PRH1: variants seen among roughly 807,000 people sequenced by gnomAD.
PRH1 encodes salivary acidic proline-rich phosphoprotein 1/2.
In PRH1, 7 loss-of-function variants were observed where a neutral mutation model predicts 7.9. The ratio of observed to expected loss-of-function variants is 0.89; its 90% CI spans 0.50 to 1.67. PRH1 has a LOEUF of 1.67. PRH1 is among the 40% of genes most tolerant of loss of function. The pLI is 0.00. For missense variants in PRH1, 109 were observed against 223.6 expected, an observed-to-expected ratio of 0.49 and a Z score of 3.27; for synonymous variants, 45 against 80.8, an observed-to-expected ratio of 0.56 and a Z score of 2.38.
intron 2 of PRH1, among the ~76,000 whole-genome samples, chr12:10,955,462 ACACT>A (rs1565497453): frequency 6.6e-6 from 1 of 152,152 alleles, no homozygotes; most frequent in African/African-American, 2.4e-5. Context: ...GTAGCAATAA[ACACT>A]CACATCAAAA....
At chr12:11,102,934 C>T (rs993993419) in intron 1 of PRH1, among the ~76,000 whole-genome samples, 30 of 152,050 alleles carry the variant, frequency 2.0e-4, no homozygotes, top group African/African-American at 4.8e-4. Context: ...AAAAGACACA[C>T]GAAAAAATGC....
chr12:10,925,728 TCTC>T (rs1469132490), intron 2 of PRH1, among the ~76,000 whole-genome samples: 1 of 152,216 alleles, frequency 6.6e-6, no homozygotes, highest in Non-Finnish European at 1.5e-5. Flanking sequence ...ACCTTGATAA[TCTC>T]CTAATAACAG....
intron 1 of PRH1, among the ~76,000 whole-genome samples, chr12:11,041,040 A>G (rs1942685406): frequency 2.0e-5 from 3 of 152,096 alleles, no homozygotes; most frequent in Non-Finnish European, 4.4e-5. Flanking sequence ...AAGGAAAGAA[A>G]GAATAGCAGA....
chr12:11,016,625 G>A (rs1462889756), intron 1 of PRH1, among the ~76,000 whole-genome samples: 1 of 152,236 alleles, frequency 6.6e-6, no homozygotes, highest in Non-Finnish European at 1.5e-5. Flanking sequence ...GCGGGCATGA[G>A]CCATCATACC....
At chr12:11,037,137 A>AT (rs569175995) in intron 1 of PRH1, among the ~76,000 whole-genome samples, 70 of 152,056 alleles carry the variant, frequency 4.6e-4, no homozygotes, top group Middle Eastern at 3.4e-3. Flanking sequence ...CTATTTTGGG[A>AT]TTTTTTTTGG....
intron 2 of PRH1, among the ~76,000 whole-genome samples, chr12:10,896,557 T>C (rs1455509609): frequency 6.6e-6 from 1 of 151,802 alleles, no homozygotes; most frequent in Non-Finnish European, 1.5e-5. Context: ...AGGTCAGGAG[T>C]TCGAGACCAG....
At chr12:11,150,302 C>T (rs955859128) in intron 1 of PRH1, among the ~76,000 whole-genome samples, 3 of 152,032 alleles carry the variant, frequency 2.0e-5, no homozygotes, top group East Asian at 3.9e-4. Context: ...CCATTTGACC[C>T]AGCCATCCCA....
intron 1 of PRH1, among the ~76,000 whole-genome samples, chr12:11,007,732 T>C (rs1940892765): frequency 6.6e-6 from 1 of 151,998 alleles, no homozygotes; most frequent in African/African-American, 2.4e-5. Flanking sequence ...TCTTCTCCAT[T>C]TACCACAAGC....
In PRH1 at chr12:10,883,114, G is replaced by A; in HGVS notation, c.65-18C>T. The A allele has an allele frequency of 1.2e-6, 2 of 1,612,532 alleles. No individual in the cohort carries two copies. Among genetic ancestry groups the A allele is most frequent in the African/African-American group, 2.7e-5 (2 of 75,004 alleles). On this transcript the variant is annotated intron_variant, in intron 1 of 3. Transcript: ENST00000543626. The stretch of plus-strand genomic sequence containing the variant: ...GCTGACATCTAGAAAAGAAGTACAG[G>A]ATGATGGGAAAAGTTACTTCCTGAA...
At chr12:11,026,719 C>T (rs1941935528) in intron 1 of PRH1, among the ~76,000 whole-genome samples, 1 of 152,184 alleles carries the variant, frequency 6.6e-6, no homozygotes, top group African/African-American at 2.4e-5. Flanking sequence ...ATGCAGACTA[C>T]CAGAAACTTA....
chr12:10,903,606 G>A (rs552927823), intron 2 of PRH1, among the ~76,000 whole-genome samples: 1 of 151,580 alleles, frequency 6.6e-6, no homozygotes, highest in African/African-American at 2.4e-5. Context: ...CATTCCCCTT[G>A]AGAACTGGAA....
intron 2 of PRH1, among the ~76,000 whole-genome samples, chr12:10,912,361 GTCAGTT>G (rs917503993): frequency 4.6e-5 from 7 of 151,868 alleles, no homozygotes; most frequent in Non-Finnish European, 1.0e-4. Flanking sequence ...CTAGATATTT[GTCAGTT>G]TCAATTATTT....
At chr12:11,145,880 A>G (rs575041287) in intron 1 of PRH1, among the ~76,000 whole-genome samples, 86 of 152,306 alleles carry the variant, frequency 5.6e-4, no homozygotes, top group Non-Finnish European at 9.9e-4. Flanking sequence ...TTTTAAGCAT[A>G]AAAAATGTTA....
At chr12:11,156,048 A>G (rs1464604548) in intron 1 of PRH1, among the ~76,000 whole-genome samples, 1 of 152,118 alleles carries the variant, frequency 6.6e-6, no homozygotes, top group Non-Finnish European at 1.5e-5. Context: ...AGTTACGCAC[A>G]TTTGCCATTG....
intron 1 of PRH1, among the ~76,000 whole-genome samples, chr12:11,142,368 C>T (rs1459062923): frequency 6.6e-6 from 1 of 151,944 alleles, no homozygotes; most frequent in East Asian, 1.9e-4. Context: ...TCTGGAAATG[C>T]CAAGTGACAA....
intron 1 of PRH1, among the ~76,000 whole-genome samples, chr12:11,052,692 T>C (rs1208982823): frequency 5.3e-5 from 8 of 152,352 alleles, no homozygotes; most frequent in Admixed American, 5.2e-4. Context: ...TCTTTCTCTC[T>C]ATGCTTCATT....
At chr12:10,910,236 C>A (rs920999328) in intron 2 of PRH1, among the ~76,000 whole-genome samples, 1 of 152,056 alleles carries the variant, frequency 6.6e-6, no homozygotes, top group African/African-American at 2.4e-5. Context: ...CCTGTATTCA[C>A]CTACCTATGA....
chr12:10,897,849 G>C (rs1949670756), intron 2 of PRH1, among the ~76,000 whole-genome samples: 2 of 152,000 alleles, frequency 1.3e-5, no homozygotes, highest in Admixed American at 1.3e-4. Context: ...CCAACATTAG[G>C]GGTTACAATT....
chr12:10,954,320 T>C (rs1476577579), intron 2 of PRH1, among the ~76,000 whole-genome samples: 2 of 152,056 alleles, frequency 1.3e-5, no homozygotes, highest in Admixed American at 6.5e-5. Context: ...TAGAGGCAAT[T>C]TGGATAAAGA....
Sources: allele counts gnomAD v4.1 joint callset (sites outside exome capture counted in the v4.1 genomes callset), GRCh38; gene constraint gnomAD v4.1.1; transcripts MANE v1.5; gene names NCBI Gene and HGNC (gene_info 2026-07-23, HGNC 2026-07-21).